Variants in SLIT3 observed in about 807,000 individuals in gnomAD.
SLIT3 encodes slit homolog 3 protein.
Under a neutral mutation model 184.0 loss-of-function variants are expected in SLIT3, and 68 were observed. The ratio of observed to expected loss-of-function variants is 0.37; its 90% CI spans 0.30 to 0.45. SLIT3 has a LOEUF of 0.45. SLIT3 is among the 20% of genes least tolerant of loss of function. The pLI, the probability that SLIT3 is intolerant of heterozygous loss-of-function variation, is 1.00. For synonymous variants in SLIT3, 831 were observed against 828.6 expected, an observed-to-expected ratio of 1.00 and a Z score of -0.05; for missense variants, 1,707 against 2,026.0, an observed-to-expected ratio of 0.84 and a Z score of 3.02.
chr5:169,027,421 C>T (rs1297811455), intron 4 of SLIT3, among the ~76,000 whole-genome samples: 1 of 152,186 alleles, frequency 6.6e-6, no homozygotes, highest in Non-Finnish European at 1.5e-5. Context: ...TTAAATGGCA[C>T]TCATTTTCCC....
At chr5:168,790,282 G>A (rs989882642) in intron 10 of SLIT3, 1 of 152,424 alleles carries the variant, frequency 6.6e-6, no homozygotes, top group Non-Finnish European at 1.5e-5. Flanking sequence ...TCATCTGGGA[G>A]CAAGTCCAGG....
Position 169,292,317 on chromosome 5 carries a change from T to C in SLIT3, c.197+8196A>G, listed in dbSNP as rs907351486. Among the ~76,000 whole-genome samples, 3 of 152,184 alleles carry C rather than the reference T, an allele frequency of 2.0e-5. No individual in the cohort carries two copies. In the East Asian group the frequency reaches 5.8e-4, roughly 29 times the overall value. On this transcript the variant is annotated intron_variant, in intron 1 of 35. Transcript: ENST00000519560. ...ATACATGCGTCATATCCTGTGTTGG[T>C]GAGACTTGTGGTACTAGCCTAATAG...
intron 20 of SLIT3, among the ~76,000 whole-genome samples, chr5:168,744,989 A>G (rs1023519777): frequency 6.6e-6 from 1 of 152,252 alleles, no homozygotes; most frequent in Non-Finnish European, 1.5e-5. Flanking sequence ...ATTTGGGCAA[A>G]GTAAACTGAA....
chr5:168,970,601 C>G (rs1263356416), intron 4 of SLIT3, among the ~76,000 whole-genome samples: 2 of 152,086 alleles, frequency 1.3e-5, no homozygotes, highest in Non-Finnish European at 2.9e-5. Flanking sequence ...GAGTCCAGCA[C>G]TGGGCTGTTT....
At chr5:168,746,419 A>AGTGTGGTGGT (rs1264798267) in intron 20 of SLIT3, among the ~76,000 whole-genome samples, 1 of 26,226 alleles carries the variant, frequency 3.8e-5, no homozygotes, top group Admixed American at 5.3e-4. Context: ...GTAGTGTGTG[A>AGTGTGGTGGT]GTGTGGTGGT....
In SLIT3 at chr5:169,104,403, A is replaced by AT; in HGVS notation, c.413+89075dup. ...CACATTTTCCAATTTCCTCTTGTAT[A>AT]TTTTTCCTGACATCTTTGCATAGGG... On this transcript the variant is annotated intron_variant, in intron 4 of 35. Transcript: ENST00000519560. 2.0e-5 allele frequency among the ~76,000 whole-genome samples: 3 copies of AT among 152,194 alleles called. No individual in the cohort carries two copies. The Middle Eastern group carries it at 0.01, about 518-fold the overall frequency.
intron 4 of SLIT3, among the ~76,000 whole-genome samples, chr5:169,007,691 A>G (rs1755985372): frequency 6.6e-6 from 1 of 152,238 alleles, no homozygotes; most frequent in African/African-American, 2.4e-5. Context: ...TTCTCCAAGT[A>G]GAAAGCCCCT....
chr5:168,703,636 A>G (rs556811131), intron 26 of SLIT3, among the ~76,000 whole-genome samples: 6 of 152,216 alleles, frequency 3.9e-5, no homozygotes, highest in African/African-American at 1.4e-4. Flanking sequence ...CCCTGGTGCC[A>G]AAAAGGTTGG....
chr5:168,895,373 C>T (rs574902347), intron 4 of SLIT3, among the ~76,000 whole-genome samples: 25 of 152,288 alleles, frequency 1.6e-4, no homozygotes, highest in African/African-American at 6.0e-4. Context: ...AGCACTGCAG[C>T]TCAAGGACAT....
At chr5:168,779,508 C>T (rs1755893383) in intron 12 of SLIT3, among the ~76,000 whole-genome samples, 1 of 152,210 alleles carries the variant, frequency 6.6e-6, no homozygotes, top group Admixed American at 6.5e-5. Context: ...CTCTGCCACC[C>T]CCTTCCTTGG....
chr5:169,281,801 T>C (rs908120988), intron 1 of SLIT3, among the ~76,000 whole-genome samples: 2 of 152,200 alleles, frequency 1.3e-5, no homozygotes, highest in African/African-American at 4.8e-5. Context: ...GTGCACACAA[T>C]TATGTTGCTT....
intron 4 of SLIT3, among the ~76,000 whole-genome samples, chr5:169,179,238 G>A (rs1283376199): frequency 6.7e-6 from 1 of 149,498 alleles, no homozygotes; most frequent in Non-Finnish European, 1.5e-5. Flanking sequence ...GGAAGTTTAG[G>A]TCAATGTTCA....
chr5:168,723,104 T>A (rs148844338), intron 21 of SLIT3, 100 bp from the exon 22 acceptor site: 1 of 801,598 alleles, frequency 1.2e-6, no homozygotes, highest in East Asian at 2.5e-5. Flanking sequence ...CCCACTCATC[T>A]ACCCATCCAC....
chr5:169,044,598 A>C (rs1302664389), intron 4 of SLIT3, among the ~76,000 whole-genome samples: 1 of 109,392 alleles, frequency 9.1e-6, no homozygotes, highest in African/African-American at 3.7e-5. Flanking sequence ...GGGGGGGGGG[A>C]TGGGGAGAAA....
chr5:169,155,219 C>T (rs1177940973), intron 4 of SLIT3, among the ~76,000 whole-genome samples: 1 of 152,174 alleles, frequency 6.6e-6, no homozygotes, highest in East Asian at 1.9e-4. Flanking sequence ...TTTTCCTTAA[C>T]AAAAGGACAA....
intron 3 of SLIT3, among the ~76,000 whole-genome samples, chr5:169,236,349 G>T (rs181846288): frequency 1.3e-5 from 2 of 152,052 alleles, no homozygotes; most frequent in South Asian, 4.1e-4. Flanking sequence ...TTTCCAAGAC[G>T]CTTTAATTCC....
intron 5 of SLIT3, among the ~76,000 whole-genome samples, chr5:168,880,429 A>C (rs975140285): frequency 1.3e-5 from 2 of 152,216 alleles, no homozygotes; most frequent in African/African-American, 4.8e-5. Context: ...CTCTGCTGGA[A>C]ACACATCTTA....
At chr5:168,726,370 GGGAGGGAGAGGGAGGC>G (rs1763110567) in intron 20 of SLIT3, among the ~76,000 whole-genome samples, 1 of 81,938 alleles carries the variant, frequency 1.2e-5, no homozygotes, top group Admixed American at 1.2e-4. Flanking sequence ...GAGGGAGGCA[GGGAGGGAGAGGGAGGC>G]AGGGAGGCAG....
Position 168,784,553 on chromosome 5 carries a change from A to T in SLIT3, c.1151+1354T>A, listed in dbSNP as rs569675729. On this transcript the variant is annotated intron_variant, in intron 12 of 35. Transcript: ENST00000519560. ...GGCATCGCACGCCTACATAATTCAC[A>T]TTAGTGCGTGTTCTGGGAGAATCTG... 3.0e-4 allele frequency among the ~76,000 whole-genome samples: 46 copies of T among 152,300 alleles called. 1 individual carries two copies. Among genetic ancestry groups the T allele is most frequent in the Admixed American group, 2.9e-3 (44 of 15,304 alleles).
Sources: gnomAD v4.1 joint callset for allele counts (sites outside exome capture counted in the v4.1 genomes callset) on GRCh38, gnomAD v4.1.1 for gene constraint, MANE v1.5 for transcripts, NCBI Gene and HGNC (gene_info 2026-07-23, HGNC 2026-07-21) for gene names.